The following PRKN variants were observed in gnomAD, a reference collection of about 807,000 sequenced individuals.
The protein encoded by PRKN is E3 ubiquitin-protein ligase parkin.
PRKN carries 56 observed loss-of-function variants against 59.5 expected under a neutral mutation model. The ratio of observed to expected loss-of-function variants is 0.94; its 90% CI spans 0.76 to 1.18. PRKN has a LOEUF of 1.18. Among genes scored for constraint, PRKN ranks in the 50% most tolerant of loss-of-function variants. The probability of loss-of-function intolerance (pLI) is 0.00; values close to 1 mark genes in which losing one functional copy is unlikely to be tolerated. For missense variants in PRKN, 657 were observed against 596.4 expected, an observed-to-expected ratio of 1.10 and a Z score of -1.06; for synonymous variants, 250 against 222.1, an observed-to-expected ratio of 1.13 and a Z score of -1.12.
chr6:161,369,950 A>C lies in PRKN; in HGVS notation c.1168-9745T>G, dbSNP rs1452420032. 4 of 433,704 alleles carry C rather than the reference A, an allele frequency of 9.2e-6. No homozygotes were observed. The highest frequency in any genetic ancestry group is 1.9e-5 in the Non-Finnish European group (4 of 209,682). 26.9% of individuals were successfully genotyped at this position (433,704 alleles called of 1,614,324 possible). A position where few individuals can be genotyped will look rare whatever the true frequency, so the allele number is the denominator to read the frequency against. ...GGGTCATCGTGAGTAAGATCAACAC[A>C]CAAACGGCTTAGCACAGAGCCAGGT... is the stretch of plus-strand genomic sequence containing the variant. On this transcript the variant is annotated intron_variant, in intron 10 of 11. Coordinates refer to ENST00000366898, the MANE Select transcript of PRKN (RefSeq NM_004562.3). This position sits in a 1 kb window ranked among gnomAD's most constrained non-coding sequence, Gnocchi z 5.8.
Position 162,712,801 on chromosome 6 carries a change from T to C in PRKN, c.7+14861A>G, listed in dbSNP as rs79179393. On this transcript the variant is annotated intron_variant, in intron 1 of 11. Transcript: ENST00000366898. ...GTTGAACCTGTCTTCTGAGATTATT[T>C]CATGGAAGCAAGAGAAAACTATTAA... Among the ~76,000 whole-genome samples, 144 of 152,310 alleles carry C rather than the reference T, an allele frequency of 9.5e-4. 5 individuals are homozygous for C. In the East Asian group the frequency reaches 0.027, roughly 28 times the overall value.
chr6:162,125,072 AC>A (rs1781070954), intron 4 of PRKN, among the ~76,000 whole-genome samples: 2 of 152,200 alleles, frequency 1.3e-5, no homozygotes, highest in Non-Finnish European at 2.9e-5. Context: ...CTCAAATGCC[AC>A]CTTCCAACCT....
chr6:162,727,711 T>C lies in PRKN; in HGVS notation c.-43A>G, dbSNP rs576793884. On this transcript the variant is annotated 5_prime_UTR_variant, in exon 1 of 12. It removes an upstream start codon present in the reference 5' UTR. Coordinates refer to ENST00000366898, the MANE Select transcript of PRKN (RefSeq NM_004562.3). ...CGGCTGCGGGCCAGGAACAGGCCCA[T>C]GCGCGCAGCGGCGCCAGCCGCGCCT... is the stretch of plus-strand genomic sequence containing the variant. 59 of 1,555,872 alleles carry C rather than the reference T, an allele frequency of 3.8e-5. No homozygotes were observed. Among genetic ancestry groups the C allele is most frequent in the African/African-American group, 1.4e-4 (10 of 73,228 alleles).
chr6:162,704,373 G>C lies in PRKN; in HGVS notation c.7+23289C>G, dbSNP rs540121938. On this transcript the variant is annotated intron_variant, in intron 1 of 11. Transcript: ENST00000366898. Reference sequence around the variant, plus strand: ...TGTCACCTCTCCCCCAGACTCCTTAGAAGATTGAGCACCAGGGATGAAACC... The same window carrying C: ...TGTCACCTCTCCCCCAGACTCCTTACAAGATTGAGCACCAGGGATGAAACC... Among the ~76,000 whole-genome samples, 5 of 152,228 alleles carry C rather than the reference G, an allele frequency of 3.3e-5. No individual in the cohort carries two copies. In the South Asian group the frequency reaches 6.2e-4, roughly 19 times the overall value.
intron 7 of PRKN, among the ~76,000 whole-genome samples, chr6:161,752,806 A>G (rs555291101): frequency 3.3e-5 from 5 of 152,348 alleles, no homozygotes; most frequent in African/African-American, 1.2e-4. Flanking sequence ...CAGTAAACAG[A>G]TACTAGAGGC....
At chr6:162,024,369 GTAT>G (rs1783340506) in intron 5 of PRKN, among the ~76,000 whole-genome samples, 1 of 151,846 alleles carries the variant, frequency 6.6e-6, no homozygotes, top group Admixed American at 6.6e-5. Context: ...GCTAATTTTT[GTAT>G]TTTTAGTAGA....
Position 161,576,333 on chromosome 6 carries a change from C to T in PRKN, c.872-6917G>A, listed in dbSNP as rs528770426. On this transcript the variant is annotated intron_variant, in intron 7 of 11. Coordinates refer to ENST00000366898, the MANE Select transcript of PRKN (RefSeq NM_004562.3). This position sits in a 1 kb window ranked among gnomAD's most constrained non-coding sequence, Gnocchi z 4.6. Reference sequence around the variant, plus strand: ...ACTTGCTGTCTCAAGATATCCTAAGCCAGTTAAGGAGAATCTTGAAGATAC... The same window carrying T: ...ACTTGCTGTCTCAAGATATCCTAAGTCAGTTAAGGAGAATCTTGAAGATAC... Among the ~76,000 whole-genome samples the T allele has an allele frequency of 6.6e-6, 1 of 152,274 alleles. No homozygotes were observed. The highest frequency in any genetic ancestry group is 1.9e-4 in the East Asian group (1 of 5,188).
intron 9 of PRKN, among the ~76,000 whole-genome samples, chr6:161,441,531 G>C (rs887122110): frequency 1.3e-5 from 2 of 151,748 alleles, no homozygotes; most frequent in African/African-American, 4.8e-5. Flanking sequence ...TGTGATCCCA[G>C]CTACTCGGGA....
intron 1 of PRKN, among the ~76,000 whole-genome samples, chr6:162,567,251 T>A (rs1291672531): frequency 6.6e-6 from 1 of 152,174 alleles, no homozygotes; most frequent in Non-Finnish European, 1.5e-5. Flanking sequence ...TTCAACATAG[T>A]ACTGGAAGTC....
At chr6:162,038,829 A>C (rs1026567685) in intron 5 of PRKN, among the ~76,000 whole-genome samples, 8 of 152,156 alleles carry the variant, frequency 5.3e-5, no homozygotes, top group Non-Finnish European at 8.8e-5. Flanking sequence ...AAGTTGTGCA[A>C]TTAGTAACCA....
At chr6:162,225,407 TG>T (rs1778126335) in intron 3 of PRKN, among the ~76,000 whole-genome samples, 1 of 152,196 alleles carries the variant, frequency 6.6e-6, no homozygotes, top group Non-Finnish European at 1.5e-5. Flanking sequence ...CTGTTGAACT[TG>T]AGAAATTCAG....
At chr6:162,701,013 TA>T (rs1447031241) in intron 1 of PRKN, among the ~76,000 whole-genome samples, 1 of 152,176 alleles carries the variant, frequency 6.6e-6, no homozygotes, top group Non-Finnish European at 1.5e-5. Flanking sequence ...AATCTGTGTC[TA>T]AAATTGGTTT....
At chr6:161,618,064 A>G (rs139233101) in intron 7 of PRKN, among the ~76,000 whole-genome samples, 1 of 152,228 alleles carries the variant, frequency 6.6e-6, no homozygotes, top group Non-Finnish European at 1.5e-5. Context: ...GGAATTATGT[A>G]TGATCATAAG....
intron 1 of PRKN, among the ~76,000 whole-genome samples, chr6:162,602,434 CTG>C (rs1781748487): frequency 6.6e-6 from 1 of 152,204 alleles, no homozygotes; most frequent in South Asian, 2.1e-4. Flanking sequence ...AGCCAGAACA[CTG>C]TGTCTTGCAT....
intron 5 of PRKN, among the ~76,000 whole-genome samples, chr6:161,985,265 A>G (rs1016438115): frequency 2.6e-5 from 4 of 152,216 alleles, no homozygotes; most frequent in African/African-American, 4.8e-5. Flanking sequence ...ACATGCTCTC[A>G]TAATATGTCA....
intron 1 of PRKN, among the ~76,000 whole-genome samples, chr6:162,586,638 C>G (rs757618936): frequency 6.6e-6 from 1 of 152,098 alleles, no homozygotes; most frequent in East Asian, 1.9e-4. Context: ...TAAGCCGGTT[C>G]GTAATTTGAC....
intron 5 of PRKN, among the ~76,000 whole-genome samples, chr6:162,004,265 C>T (rs1423103072): frequency 6.6e-6 from 1 of 152,148 alleles, no homozygotes; most frequent in Non-Finnish European, 1.5e-5. Flanking sequence ...CTGCTTCACC[C>T]GCTCTTGCTC....
intron 5 of PRKN, among the ~76,000 whole-genome samples, chr6:162,031,378 C>G (rs1783631182): frequency 6.6e-6 from 1 of 150,498 alleles, no homozygotes; most frequent in South Asian, 2.1e-4. Flanking sequence ...TGGTTGAGCC[C>G]CATCCTCCAC....
intron 9 of PRKN, among the ~76,000 whole-genome samples, chr6:161,418,974 A>C (rs1414514304): frequency 6.6e-6 from 1 of 152,240 alleles, no homozygotes; most frequent in Non-Finnish European, 1.5e-5. Context: ...CCTACACAGA[A>C]ACAATCGTAT....
Sources: gnomAD v4.1 joint callset for allele counts (sites outside exome capture counted in the v4.1 genomes callset) on GRCh38, gnomAD v4.1.1 for gene constraint, Gnocchi (gnomAD v3.1) non-coding constraint, MANE v1.5 for transcripts, NCBI Gene and HGNC (gene_info 2026-07-23, HGNC 2026-07-21) for gene names.